Variants in IL36A observed in about 807,000 individuals in gnomAD.
The protein encoded by IL36A is interleukin-36 alpha.
A neutral mutation model predicts 12.7 loss-of-function variants in IL36A; 13 were observed. The ratio of observed to expected loss-of-function variants is 1.02; its 90% CI spans 0.67 to 1.63. The LOEUF (loss-of-function observed/expected upper bound fraction) is 1.63, where lower values mean the gene tolerates loss of function less well. Among genes scored for constraint, IL36A ranks in the 40% most tolerant of loss-of-function variants. IL36A has a pLI of 0.00. For synonymous variants in IL36A, 73 were observed against 71.9 expected, an observed-to-expected ratio of 1.01 and a Z score of -0.08; for missense variants, 195 against 192.9, an observed-to-expected ratio of 1.01 and a Z score of -0.07.
At chr2:113,005,945 A>C in intron 1 of IL36A, 29 bp from the exon 2 acceptor site, 1 of 1,611,810 alleles carries the variant, frequency 6.2e-7, no homozygotes, top group Non-Finnish European at 8.5e-7. Context: ...TCTCATTCTT[A>C]CTAATTTACA....
rs745391211 is a variant in IL36A, at chr2:113,005,991, C to G, written c.28C>G (p.Pro10Ala). 16 of 1,613,636 alleles carry G rather than the reference C, an allele frequency of 9.9e-6. No individual in the cohort carries two copies. The highest frequency in any genetic ancestry group is 1.7e-5 in the Admixed American group (1 of 60,024). MEKALKIDT[P>A]QQGSIQDINH... ...CTCAACAGCATTGAAAATTGACACA[C>G]CTCAGCAGGGGAGCATTCAGGATAT... Residue 10 changes from proline to alanine, a missense_variant, in exon 2 of 4, where the codon CCT (proline) becomes GCT (alanine). Physicochemically the swap from Pro to Ala is conservative, Grantham distance 27. Coordinates refer to ENST00000259211, the MANE Select transcript of IL36A (RefSeq NM_014440.3).
chr2:113,006,189 C>A, intron 2 of IL36A, 102 bp downstream of exon 2: 3 of 766,276 alleles, frequency 3.9e-6, no homozygotes, highest in Non-Finnish European at 4.6e-6. Flanking sequence ...CCGGGCATAT[C>A]TACAGAGAGG....
downstream of IL36A, chr2:113,008,639 A>T (rs1306506901): frequency 6.0e-6 from 1 of 165,936 alleles, no homozygotes; most frequent in Non-Finnish European, 1.3e-5. Flanking sequence ...GTGATGGAGT[A>T]TCAAGACCTT....
chr2:113,008,963 C>T (rs1684688264), downstream of IL36A, among the ~76,000 whole-genome samples: 1 of 117,384 alleles, frequency 8.5e-6, no homozygotes, highest in Non-Finnish European at 1.7e-5. Context: ...AATGCTATCC[C>T]TCCCCCCTCC....
intron 2 of IL36A, 104 bp from the exon 3 acceptor site, chr2:113,006,494 G>A (rs1393582091): frequency 5.0e-5 from 64 of 1,275,324 alleles, no homozygotes; most frequent in Non-Finnish European, 6.7e-5. Context: ...ACCATTCTAT[G>A]AGTGCACTGT....
intron 2 of IL36A, 124 bp from the exon 3 acceptor site, chr2:113,006,471 GGGT>G: frequency 1.1e-6 from 1 of 949,408 alleles, no homozygotes; most frequent in Non-Finnish European, 1.6e-6. Context: ...GTTAGGTGGT[GGGT>G]GGTGAGGTGA....
downstream of IL36A, among the ~76,000 whole-genome samples, chr2:113,009,967 T>C (rs1684703420): frequency 6.6e-6 from 1 of 152,216 alleles, no homozygotes; most frequent in Non-Finnish European, 1.5e-5. Context: ...CTCTCTTATT[T>C]TGAAGACTTC....
At chr2:113,008,524 C>G (rs1366989595), downstream of IL36A, 5 of 256,550 alleles carry the variant, frequency 1.9e-5, no homozygotes, top group African/African-American at 1.2e-4. Context: ...CCACGCCCGG[C>G]TAATTTTTTT....
chr2:113,009,716 G>C (rs1028077868), downstream of IL36A, among the ~76,000 whole-genome samples: 5 of 152,138 alleles, frequency 3.3e-5, no homozygotes, highest in Non-Finnish European at 2.9e-5. Context: ...TACTGGGGTG[G>C]GTGGGACAAA....
intron 3 of IL36A, among the ~76,000 whole-genome samples, 165 bp from the exon 4 acceptor site, chr2:113,007,667 G>T (rs547684887): frequency 7.9e-5 from 12 of 152,166 alleles, no homozygotes; most frequent in African/African-American, 2.9e-4. Context: ...AATCTTAAAA[G>T]AATTTAATTT....
chr2:113,010,172 A>T (rs1228332887), downstream of IL36A, among the ~76,000 whole-genome samples: 2 of 152,276 alleles, frequency 1.3e-5, no homozygotes, highest in East Asian at 3.9e-4. Context: ...TTGGAGGAAG[A>T]TGTGGAAATG....
At chr2:113,008,092 A>AG (rs1233188514), downstream of IL36A, 21 of 1,489,986 alleles carry the variant, frequency 1.4e-5, no homozygotes, top group Non-Finnish European at 2.0e-5. Context: ...AAATCTTAGT[A>AG]TAATCTTAGC....
At chr2:113,007,223 A>G (rs1034884174) in intron 3 of IL36A, among the ~76,000 whole-genome samples, 1 of 152,232 alleles carries the variant, frequency 6.6e-6, no homozygotes, top group South Asian at 2.1e-4. Context: ...GCATAAGCAG[A>G]CACTCAACTT....
downstream of IL36A, among the ~76,000 whole-genome samples, chr2:113,009,559 GTGGTTA>G: frequency 6.6e-6 from 1 of 152,304 alleles, no homozygotes; most frequent in East Asian, 1.9e-4. Context: ...GTGGAATATT[GTGGTTA>G]TAATATTGAT....
Position 113,005,538 on chromosome 2 carries a change from C to T in IL36A, c.-334C>T. On this transcript the variant is annotated 5_prime_UTR_variant, in exon 1 of 4. Transcript: ENST00000259211. ...CTTCGTAACAGATTATCAGTGTGGCCTATGCTGGAAAGTCTGGTGACCTCT... is the reference window on the plus strand; with the variant it reads ...CTTCGTAACAGATTATCAGTGTGGCTTATGCTGGAAAGTCTGGTGACCTCT... The T allele has an allele frequency of 4.4e-6, 2 of 457,270 alleles. No homozygotes were observed. The highest frequency in any genetic ancestry group is 2.0e-5 in the African/African-American group (1 of 51,138). 28.3% of individuals were successfully genotyped at this position (457,270 alleles called of 1,614,324 possible).
downstream of IL36A, chr2:113,008,471 CT>C (rs1286888131): frequency 5.6e-6 from 1 of 177,628 alleles, no homozygotes; most frequent in African/African-American, 2.4e-5. Context: ...CGCCATTCTC[CT>C]GCCTCAGCCT....
intron 2 of IL36A, 52 bp downstream of exon 2, chr2:113,006,139 T>G: frequency 8.7e-7 from 1 of 1,154,488 alleles, no homozygotes; most frequent in Non-Finnish European, 1.3e-6. Context: ...TGCTGTTGTG[T>G]GTTTGGTGCT....
At position 113,005,501 on chromosome 2, in the gene IL36A, G is replaced by T; in HGVS notation, c.-371G>T. 2.9e-6 allele frequency: 1 copy of T among 340,324 alleles called. No homozygotes were observed. The highest frequency in any genetic ancestry group is 5.5e-6 in the Non-Finnish European group (1 of 181,414). 21.1% of individuals were successfully genotyped at this position (340,324 alleles called of 1,614,324 possible). ...TAGAAGCCATTGTTCATAATGGTAG[G>T]GATACAGGGTCCTTCGTAACAGATT... On this transcript the variant is annotated 5_prime_UTR_variant, in exon 1 of 4. Coordinates refer to ENST00000259211, the MANE Select transcript of IL36A (RefSeq NM_014440.3).
downstream of IL36A, among the ~76,000 whole-genome samples, chr2:113,010,910 A>G (rs1684716236): frequency 6.6e-6 from 1 of 151,342 alleles, no homozygotes; most frequent in East Asian, 1.9e-4. Context: ...CCACCATTCT[A>G]CTCTCTGTTT....
Sources: gnomAD v4.1 joint callset for allele counts (sites outside exome capture counted in the v4.1 genomes callset) on GRCh38, gnomAD v4.1.1 for gene constraint, MANE v1.5 for transcripts, NCBI Gene and HGNC (gene_info 2026-07-23, HGNC 2026-07-21) for gene names.